GLIS3: variants seen among roughly 807,000 people sequenced by gnomAD.
GLIS3 encodes the protein zinc finger protein GLIS3.
Under a neutral mutation model 78.6 loss-of-function variants are expected in GLIS3, and 53 were observed. That is an observed-to-expected ratio of 0.67 (90% CI 0.54 to 0.85). The LOEUF is 0.85. Among genes scored for constraint, GLIS3 ranks in the 40% least tolerant of loss-of-function variants. The probability of loss-of-function intolerance (pLI) is 0.00; values close to 1 mark genes in which losing one functional copy is unlikely to be tolerated. For missense variants in GLIS3, 1,703 were observed against 1,231.1 expected (o/e 1.38, Z -5.74); for synonymous variants, 684 against 509.9 (o/e 1.34, Z -4.60).
In GLIS3 at chr9:4,067,630, G is replaced by A. The variant is rs1275479246; in HGVS notation, c.1710+50138C>T. 2.0e-5 allele frequency among the ~76,000 whole-genome samples: 3 copies of A among 152,124 alleles called. No homozygotes were observed. The South Asian group carries it at 6.2e-4, about 32-fold the overall frequency. Reference sequence around the variant, plus strand: ...AACAAGATTCAAGCGGCCACTTTATGTATGAAACTAGAGCAAACACTCACA... The same window carrying A: ...AACAAGATTCAAGCGGCCACTTTATATATGAAACTAGAGCAAACACTCACA... On this transcript the variant is annotated intron_variant, in intron 4 of 10. Transcript: ENST00000381971.
chr9:4,113,375 T>C (rs12683144), intron 4 of GLIS3, among the ~76,000 whole-genome samples: 5 of 152,008 alleles, frequency 3.3e-5, no homozygotes, highest in Admixed American at 6.6e-5. Flanking sequence ...TTTTATTGGA[T>C]AGACTCATCT....
At chr9:4,179,379 A>G (rs994858468) in intron 2 of GLIS3, among the ~76,000 whole-genome samples, 2 of 152,194 alleles carry the variant, frequency 1.3e-5, no homozygotes, top group Non-Finnish European at 2.9e-5. Flanking sequence ...AACATGTGCG[A>G]GTAATCCCCA....
chr9:3,988,146 G>T (rs116430180), intron 4 of GLIS3, among the ~76,000 whole-genome samples: 2 of 152,058 alleles, frequency 1.3e-5, no homozygotes, highest in Admixed American at 1.3e-4. Flanking sequence ...TGAAAGGAGA[G>T]ACTTGTCAAC....
At chr9:3,883,640 G>C (rs565123700) in intron 7 of GLIS3, among the ~76,000 whole-genome samples, 109 of 152,274 alleles carry the variant, frequency 7.2e-4, no homozygotes, top group Non-Finnish European at 1.8e-4. Flanking sequence ...TAACAAAACT[G>C]TTGTCATCAA....
At chr9:4,366,318 C>G in the GLIS3 span, among the ~76,000 whole-genome samples, 1 of 152,186 alleles carries the variant, frequency 6.6e-6, no homozygotes, top group African/African-American at 2.4e-5. Flanking sequence ...GAGTAGACTT[C>G]TTTAGCTAAT....
the GLIS3 span, among the ~76,000 whole-genome samples, chr9:4,480,834 TG>T: frequency 1.4e-5 from 2 of 140,448 alleles, no homozygotes; most frequent in African/African-American, 5.6e-5. Flanking sequence ...ACACCTTCAT[TG>T]AAAAAAAAAA....
intron 7 of GLIS3, among the ~76,000 whole-genome samples, chr9:3,897,537 G>A (rs901210469): frequency 6.6e-6 from 1 of 152,132 alleles, no homozygotes; most frequent in African/African-American, 2.4e-5. Flanking sequence ...TGAAACCTCT[G>A]TAAGTTTGGT....
chr9:4,442,727 T>G, the GLIS3 span, among the ~76,000 whole-genome samples: 2 of 152,168 alleles, frequency 1.3e-5, no homozygotes, highest in South Asian at 4.1e-4. Flanking sequence ...ATTAATCCAT[T>G]TCTTTTTTAC....
At chr9:3,934,427 T>C (rs1013216604) in intron 5 of GLIS3, among the ~76,000 whole-genome samples, 3 of 151,016 alleles carry the variant, frequency 2.0e-5, no homozygotes, top group Non-Finnish European at 4.4e-5. Context: ...TTTTTTTTTT[T>C]GAGATGGAGT....
At chr9:4,286,960 C>T (rs952727058) in intron 1 of GLIS3, among the ~76,000 whole-genome samples, 1 of 152,186 alleles carries the variant, frequency 6.6e-6, no homozygotes, top group Admixed American at 6.5e-5. Context: ...GCAGACATGG[C>T]TTCTAAATGA....
At chr9:4,407,583 C>A in the GLIS3 span, among the ~76,000 whole-genome samples, 1 of 152,158 alleles carries the variant, frequency 6.6e-6, no homozygotes, top group Non-Finnish European at 1.5e-5. Flanking sequence ...GGAGGCGGAG[C>A]TTGCGGTGAG....
intron 4 of GLIS3, among the ~76,000 whole-genome samples, chr9:4,034,296 G>C (rs1266613257): frequency 6.6e-6 from 1 of 151,834 alleles, no homozygotes; most frequent in Non-Finnish European, 1.5e-5. Flanking sequence ...AAACAAGTTA[G>C]AAACAGAAAA....
intron 2 of GLIS3, among the ~76,000 whole-genome samples, chr9:4,159,267 A>C (rs892371111): frequency 5.9e-5 from 9 of 152,192 alleles, no homozygotes; most frequent in African/African-American, 1.9e-4. Context: ...TCATATGTGA[A>C]ACACTGGAGA....
chr9:4,113,662 A>G (rs57922289), intron 4 of GLIS3, among the ~76,000 whole-genome samples: 4,632 of 152,282 alleles, frequency 0.03, 248 homozygotes, highest in African/African-American at 0.11. Context: ...AGCTTACAAT[A>G]AATTTACATT....
At chr9:4,320,452 A>G (rs1817507743) in intron 2 of GLIS3, among the ~76,000 whole-genome samples, 1 of 152,232 alleles carries the variant, frequency 6.6e-6, no homozygotes, top group South Asian at 2.1e-4. Context: ...TTGCCAAGCC[A>G]GAAACTTAGG....
intron 4 of GLIS3, among the ~76,000 whole-genome samples, chr9:4,106,758 C>T (rs1422923686): frequency 1.3e-5 from 2 of 152,140 alleles, no homozygotes; most frequent in East Asian, 1.9e-4. Flanking sequence ...AATTTCTGTG[C>T]ACAATGGTAG....
At chr9:4,182,557 T>C (rs1044748560) in intron 2 of GLIS3, among the ~76,000 whole-genome samples, 4 of 152,114 alleles carry the variant, frequency 2.6e-5, no homozygotes, top group Non-Finnish European at 4.4e-5. Context: ...TGAGAAAGCA[T>C]GGGGAGTTGT....
chr9:3,894,264 T>C (rs1004160123), intron 7 of GLIS3, among the ~76,000 whole-genome samples: 7 of 152,328 alleles, frequency 4.6e-5, no homozygotes, highest in African/African-American at 1.4e-4. Flanking sequence ...TATAGTTACG[T>C]TGTTTAATCT....
At chr9:4,330,360 C>T (rs192660738) in intron 2 of GLIS3, among the ~76,000 whole-genome samples, 124 of 152,348 alleles carry the variant, frequency 8.1e-4, no homozygotes, top group Non-Finnish European at 1.3e-3. Context: ...ACAGGCCCTG[C>T]GAGTTGGCAC....
Sources: allele counts gnomAD v4.1 joint callset (sites outside exome capture counted in the v4.1 genomes callset), GRCh38; gene constraint gnomAD v4.1.1; transcripts MANE v1.5; gene names NCBI Gene and HGNC (gene_info 2026-07-23, HGNC 2026-07-21).